Variants in LOXL2 observed in about 807,000 individuals in gnomAD.
LOXL2 encodes the protein lysyl oxidase homolog 2.
In LOXL2, 70 loss-of-function variants were observed where a neutral mutation model predicts 93.0. The observed-to-expected ratio is 0.75, with a 90% CI of 0.62 to 0.92. The LOEUF is 0.92. Ranked by LOEUF, LOXL2 falls within the 40% of genes least tolerant of loss-of-function variation. The pLI, the probability that LOXL2 is intolerant of heterozygous loss-of-function variation, is 0.00. For missense variants in LOXL2, 973 were observed against 1,054.9 expected, an observed-to-expected ratio of 0.92 and a Z score of 1.08; for synonymous variants, 438 against 413.2, an observed-to-expected ratio of 1.06 and a Z score of -0.73.
At chr8:23,298,996 C>G (rs762368941) in intron 12 of LOXL2, 49 bp from the exon 13 acceptor site, 1 of 1,118,616 alleles carries the variant, frequency 8.9e-7, no homozygotes, top group South Asian at 1.2e-5. Context: ...CTGCGGCCAC[C>G]TCCACCCAGG....
intron 1 of LOXL2, among the ~76,000 whole-genome samples, chr8:23,380,645 TG>T (rs1042444704): frequency 8.2e-4 from 125 of 152,076 alleles, no homozygotes; most frequent in African/African-American, 2.9e-3. Context: ...AGTTTTTTTT[TG>T]TTGTTGTTGT....
intron 3 of LOXL2, among the ~76,000 whole-genome samples, chr8:23,342,694 G>A (rs185468086): frequency 1.3e-3 from 204 of 152,222 alleles, no homozygotes; most frequent in Admixed American, 4.3e-3. Flanking sequence ...GCCTCACAAA[G>A]TGCTGGGATT....
At chr8:23,328,349 A>G (rs779147492) in intron 6 of LOXL2, 33 bp downstream of exon 6, 22 of 1,607,190 alleles carry the variant, frequency 1.4e-5, no homozygotes, top group Non-Finnish European at 2.6e-6. Flanking sequence ...GCTCCCAGGA[A>G]GAGAGGCCCC....
At chr8:23,397,980 A>G (rs1046531003) in intron 1 of LOXL2, among the ~76,000 whole-genome samples, 32 of 151,698 alleles carry the variant, frequency 2.1e-4, no homozygotes, top group Non-Finnish European at 3.7e-4. Flanking sequence ...AAAAAAAAAA[A>G]AAAAAGAAAT....
chr8:23,391,296 T>C lies in LOXL2; in HGVS notation c.-84+12658A>G, dbSNP rs140429792. Among the ~76,000 whole-genome samples the C allele has an allele frequency of 9.1e-4, 138 of 152,146 alleles. 1 individual carries two copies. Among genetic ancestry groups the C allele is most frequent in the African/African-American group, 3.2e-3 (133 of 41,512 alleles). On this transcript the variant is annotated intron_variant, in intron 1 of 13. Transcript: ENST00000389131. ...TTGACTATAAGATAACACATAACAA[T>C]TGGAAAAACATGGCCAGCATCTGAG...
At chr8:23,326,100 G>A (rs1456814731) in intron 6 of LOXL2, among the ~76,000 whole-genome samples, 4 of 152,248 alleles carry the variant, frequency 2.6e-5, no homozygotes, top group Admixed American at 1.3e-4. Context: ...AGCCAGGGCT[G>A]AGGGGCTGAC....
At chr8:23,321,972 G>C in intron 7 of LOXL2, 158 bp downstream of exon 7, 1 of 805,816 alleles carries the variant, frequency 1.2e-6, no homozygotes, top group South Asian at 1.7e-5. Flanking sequence ...CCAGGCCCGA[G>C]GTTCGAGGGG....
chr8:23,311,463 A>AGC (rs1803317982), intron 9 of LOXL2, among the ~76,000 whole-genome samples: 6 of 152,182 alleles, frequency 3.9e-5, no homozygotes, highest in Non-Finnish European at 8.8e-5. Flanking sequence ...GTGTCATGTG[A>AGC]GCCTCTTATT....
chr8:23,364,240 C>T (rs769586062), intron 2 of LOXL2: 3 of 152,198 alleles, frequency 2.0e-5, no homozygotes, highest in Non-Finnish European at 2.9e-5. Flanking sequence ...ATGCAACCAG[C>T]TTCTGGGTCT....
chr8:23,302,228 C>G, intron 11 of LOXL2, 65 bp from the exon 12 acceptor site: 4 of 1,597,510 alleles, frequency 2.5e-6, no homozygotes, highest in Non-Finnish European at 3.4e-6. Flanking sequence ...CACCCTCTTC[C>G]TGCTTCCAAG....
Position 23,318,894 on chromosome 8 carries a change from G to C in LOXL2, c.1470+991C>G, listed in dbSNP as rs116100240. ...GGGGATCCCAGGCAGCTTCTGCTCA[G>C]GGCTCAGGACCTCCCATTGGAGCAA... On this transcript the variant is annotated intron_variant, in intron 8 of 13. Coordinates refer to ENST00000389131, the MANE Select transcript of LOXL2 (RefSeq NM_002318.3). Among the ~76,000 whole-genome samples, 377 of 152,338 alleles carry C rather than the reference G, an allele frequency of 2.5e-3. 4 individuals are homozygous for C. Among genetic ancestry groups the C allele is most frequent in the African/African-American group, 8.4e-3 (349 of 41,588 alleles).
chr8:23,369,544 G>C (rs1804465296), intron 1 of LOXL2, among the ~76,000 whole-genome samples: 1 of 152,154 alleles, frequency 6.6e-6, no homozygotes, highest in Admixed American at 6.5e-5. Flanking sequence ...CTTTCCTGTA[G>C]TCAGAGCTGT....
chr8:23,323,858 T>C (rs976597726), intron 6 of LOXL2, among the ~76,000 whole-genome samples: 8 of 152,132 alleles, frequency 5.3e-5, no homozygotes, highest in African/African-American at 1.9e-4. Flanking sequence ...CATGCCACCA[T>C]GCCCAGCTAA....
In LOXL2 at chr8:23,310,984, A is replaced by G. The variant is rs144111313; in HGVS notation, c.1637-1073T>C. Among the ~76,000 whole-genome samples the G allele has an allele frequency of 2.0e-3, 303 of 152,364 alleles. 2 individuals are homozygous for G. The highest frequency in any genetic ancestry group is 2.8e-3 in the Non-Finnish European group (192 of 68,038). ...TCTAGTACACAGAAAAATGCCATAT[A>G]TGAATCAGTGATCACAAGATCCTGC... On this transcript the variant is annotated intron_variant, in intron 9 of 13. Coordinates refer to ENST00000389131, the MANE Select transcript of LOXL2 (RefSeq NM_002318.3).
intron 3 of LOXL2, among the ~76,000 whole-genome samples, chr8:23,349,322 C>T (rs1804051931): frequency 6.6e-6 from 1 of 152,206 alleles, no homozygotes; most frequent in Non-Finnish European, 1.5e-5. Flanking sequence ...CTGGTGGTGC[C>T]TCCGCGTTAG....
intron 1 of LOXL2, among the ~76,000 whole-genome samples, chr8:23,380,043 C>T (rs578251535): frequency 8.5e-5 from 13 of 152,292 alleles, no homozygotes; most frequent in Admixed American, 2.0e-4. Flanking sequence ...CGCTGGCAGA[C>T]GTAGACTGAA....
intron 1 of LOXL2, among the ~76,000 whole-genome samples, chr8:23,392,516 G>C (rs1585384533): frequency 6.6e-6 from 1 of 152,276 alleles, no homozygotes; most frequent in Non-Finnish European, 1.5e-5. Context: ...CATTGGTGCT[G>C]ATCACATGCC....
intron 7 of LOXL2, chr8:23,321,841 CT>C (rs1803501684): frequency 2.6e-6 from 1 of 381,968 alleles, no homozygotes. Context: ...GGTCCCACGC[CT>C]GTCTTTGGAG....
chr8:23,391,297 T>C (rs1804840610), intron 1 of LOXL2, among the ~76,000 whole-genome samples: 1 of 152,104 alleles, frequency 6.6e-6, no homozygotes, highest in Non-Finnish European at 1.5e-5. Flanking sequence ...ACATAACAAT[T>C]GGAAAAACAT....
Sources: gnomAD v4.1 joint callset for allele counts (sites outside exome capture counted in the v4.1 genomes callset) on GRCh38, gnomAD v4.1.1 for gene constraint, MANE v1.5 for transcripts, NCBI Gene and HGNC (gene_info 2026-07-23, HGNC 2026-07-21) for gene names.